Variants in METAP1D observed in about 807,000 individuals in gnomAD.
The protein encoded by METAP1D is methionine aminopeptidase 1D, mitochondrial.
In METAP1D, 31 loss-of-function variants were observed where a neutral mutation model predicts 40.5. The observed-to-expected ratio is 0.77, with a 90% CI of 0.58 to 1.03. METAP1D has a LOEUF of 1.03. Ranked by LOEUF, METAP1D falls within the 50% of genes least tolerant of loss-of-function variation. The pLI is 0.00. For missense variants in METAP1D, 411 were observed against 420.7 expected, an observed-to-expected ratio of 0.98 and a Z score of 0.20; for synonymous variants, 151 against 146.4, an observed-to-expected ratio of 1.03 and a Z score of -0.22.
At chr2:172,071,100 G>A (rs892870248) in intron 6 of METAP1D, 30 bp downstream of exon 6, 1 of 1,569,450 alleles carries the variant, frequency 6.4e-7, no homozygotes. Flanking sequence ...GTAAAGGGAG[G>A]GTTGGCAAAT....
intron 1 of METAP1D, among the ~76,000 whole-genome samples, chr2:172,040,859 G>T (rs1288168002): frequency 1.4e-5 from 2 of 145,070 alleles, no homozygotes; most frequent in Non-Finnish European, 3.0e-5. Context: ...CAATTTTCCT[G>T]CCTCAGCCTC....
At chr2:172,016,901 C>T (rs924644358) in intron 1 of METAP1D, among the ~76,000 whole-genome samples, 4 of 151,926 alleles carry the variant, frequency 2.6e-5, no homozygotes, top group Admixed American at 2.6e-4. Flanking sequence ...AACCATCTTC[C>T]CCCAGCTCTT....
chr2:172,077,994 C>A, intron 7 of METAP1D, 100 bp downstream of exon 7: 1 of 392,566 alleles, frequency 2.5e-6, no homozygotes, highest in Non-Finnish European at 5.0e-6. Context: ...GCATTATCAA[C>A]CTTGTGTTTG....
chr2:172,058,679 G>A (rs1690055030), intron 1 of METAP1D, among the ~76,000 whole-genome samples: 1 of 152,034 alleles, frequency 6.6e-6, no homozygotes, highest in South Asian at 2.1e-4. Context: ...CTGTACCTGA[G>A]TTTTGTAACT....
intron 1 of METAP1D, among the ~76,000 whole-genome samples, chr2:172,023,629 T>C (rs1174589355): frequency 1.3e-5 from 2 of 152,174 alleles, no homozygotes; most frequent in Admixed American, 6.5e-5. Context: ...ATGTAAATTT[T>C]ACCTCAAGAC....
chr2:172,029,144 A>ACGCCTGTAATCC (rs1689185480), intron 1 of METAP1D, among the ~76,000 whole-genome samples: 1 of 152,242 alleles, frequency 6.6e-6, no homozygotes, highest in African/African-American at 2.4e-5. Context: ...ATGGTGGTTT[A>ACGCCTGTAATCC]CGCCTGTAAT....
intron 1 of METAP1D, among the ~76,000 whole-genome samples, chr2:172,023,585 C>T (rs551155340): frequency 1.3e-5 from 2 of 152,226 alleles, no homozygotes; most frequent in Middle Eastern, 3.4e-3. Flanking sequence ...CAGGACTCAT[C>T]GAATGGTACC....
chr2:172,066,704 C>A (rs1315298478), intron 5 of METAP1D, among the ~76,000 whole-genome samples: 1 of 152,212 alleles, frequency 6.6e-6, no homozygotes, highest in Non-Finnish European at 1.5e-5. Context: ...TTTTCCTTCA[C>A]TCTGCCAAGA....
intron 5 of METAP1D, among the ~76,000 whole-genome samples, chr2:172,066,517 G>A (rs1690284077): frequency 6.6e-6 from 1 of 152,170 alleles, no homozygotes; most frequent in East Asian, 1.9e-4. Flanking sequence ...GCAATCAGAT[G>A]CACTGAGATC....
intron 1 of METAP1D, among the ~76,000 whole-genome samples, chr2:172,048,923 A>G (rs574333627): frequency 6.6e-6 from 1 of 152,322 alleles, no homozygotes; most frequent in Non-Finnish European, 1.5e-5. Context: ...ATATACAGAT[A>G]AAGAGTACAT....
chr2:172,008,726 CT>C (rs546381420), intron 1 of METAP1D, among the ~76,000 whole-genome samples: 115 of 151,546 alleles, frequency 7.6e-4, no homozygotes, highest in African/African-American at 2.6e-3. Flanking sequence ...GTGCTCACCC[CT>C]TTTTTTTTAT....
chr2:172,000,090 C>T (rs961462287), intron 1 of METAP1D, 81 bp downstream of exon 1: 2 of 1,216,478 alleles, frequency 1.6e-6, no homozygotes, highest in Admixed American at 4.2e-5. Flanking sequence ...GGATGCGCAC[C>T]CGCGCTCAGA....
chr2:172,047,904 A>G (rs936289925), intron 1 of METAP1D, among the ~76,000 whole-genome samples: 2 of 152,214 alleles, frequency 1.3e-5, no homozygotes, highest in Non-Finnish European at 2.9e-5. Flanking sequence ...GATTCTTGAA[A>G]AAAGCCAGGG....
At chr2:172,052,528 A>T (rs1215526280) in intron 1 of METAP1D, among the ~76,000 whole-genome samples, 1 of 152,258 alleles carries the variant, frequency 6.6e-6, no homozygotes, top group Non-Finnish European at 1.5e-5. Context: ...TTTGGCAGCC[A>T]GAGCAGTTAA....
intron 1 of METAP1D, among the ~76,000 whole-genome samples, chr2:172,018,877 A>G (rs1216341716): frequency 6.6e-6 from 1 of 152,144 alleles, no homozygotes; most frequent in South Asian, 2.1e-4. Context: ...GTATTCCACA[A>G]TGTAATTTAG....
chr2:172,009,181 G>C (rs764470541), intron 1 of METAP1D, among the ~76,000 whole-genome samples: 59 of 151,830 alleles, frequency 3.9e-4, no homozygotes, highest in Non-Finnish European at 7.1e-4. Context: ...GCTGGGACTA[G>C]GGGCGCCCAC....
chr2:172,035,848 A>G (rs1449947332), intron 1 of METAP1D, among the ~76,000 whole-genome samples: 3 of 147,578 alleles, frequency 2.0e-5, no homozygotes, highest in Non-Finnish European at 4.5e-5. Context: ...GAGTCTTCCT[A>G]TGTTGCCCAG....
At chr2:172,026,916 CAT>C (rs559680632) in intron 1 of METAP1D, among the ~76,000 whole-genome samples, 22 of 152,266 alleles carry the variant, frequency 1.4e-4, no homozygotes, top group African/African-American at 5.3e-4. Flanking sequence ...TGACAGCAAA[CAT>C]AAGGTTTCTG....
chr2:172,037,129 G>A (rs1689413156), intron 1 of METAP1D, among the ~76,000 whole-genome samples: 1 of 152,148 alleles, frequency 6.6e-6, no homozygotes, highest in African/African-American at 2.4e-5. Flanking sequence ...GGGCATGGTG[G>A]TGCATACCTA....
Sources: allele counts gnomAD v4.1 joint callset (sites outside exome capture counted in the v4.1 genomes callset), GRCh38; gene constraint gnomAD v4.1.1; transcripts MANE v1.5; gene names NCBI Gene and HGNC (gene_info 2026-07-23, HGNC 2026-07-21).